ZNF536: variants seen among roughly 807,000 people sequenced by gnomAD.
ZNF536 encodes the protein zinc finger protein 536.
In ZNF536, 13 loss-of-function variants were observed where a neutral mutation model predicts 84.5. The ratio of observed to expected loss-of-function variants is 0.15; its 90% CI spans 0.10 to 0.24. ZNF536 has a LOEUF of 0.24. ZNF536 is among the 10% of genes least tolerant of loss of function. ZNF536 has a pLI of 1.00. For synonymous variants in ZNF536, 811 were observed against 742.5 expected (o/e 1.09, Z -1.50); for missense variants, 1,536 against 1,747.5 (o/e 0.88, Z 2.16).
intron 1 of ZNF536, among the ~76,000 whole-genome samples, chr19:30,392,962 C>T (rs959492046): frequency 6.6e-6 from 1 of 152,094 alleles, no homozygotes; most frequent in Admixed American, 6.5e-5. Context: ...TTTTGGAAAC[C>T]ACTTCTGTAT....
chr19:30,453,479 C>G (rs924603101), intron 2 of ZNF536, among the ~76,000 whole-genome samples: 4 of 152,188 alleles, frequency 2.6e-5, no homozygotes, highest in African/African-American at 9.6e-5. Flanking sequence ...GATGGGGTGG[C>G]GCCAGCCGGG....
intron 1 of ZNF536, among the ~76,000 whole-genome samples, chr19:30,583,929 C>T (rs1007414133): frequency 1.3e-5 from 2 of 152,152 alleles, no homozygotes; most frequent in Admixed American, 6.5e-5. Context: ...GGAGTATTAG[C>T]TGGACACTGA....
intron 1 of ZNF536, among the ~76,000 whole-genome samples, chr19:30,695,955 A>T (rs1286379707): frequency 6.6e-6 from 1 of 152,202 alleles, no homozygotes; most frequent in Non-Finnish European, 1.5e-5. Flanking sequence ...GGGATATTAA[A>T]TGTGTATCAT....
intron 1 of ZNF536, among the ~76,000 whole-genome samples, chr19:30,277,548 G>A (rs4805539): frequency 0.26 from 39,364 of 152,112 alleles, 5,714 homozygotes; most frequent in East Asian, 0.5. Flanking sequence ...GCAGCCCTAC[G>A]CGCTCTGTGT....
intron 1 of ZNF536, among the ~76,000 whole-genome samples, chr19:30,597,587 TTGTAGCTGTG>T (rs1277917403): frequency 6.6e-6 from 1 of 152,172 alleles, no homozygotes; most frequent in Non-Finnish European, 1.5e-5. Flanking sequence ...CTCTTCTGCT[TTGTAGCTGTG>T]TGATCTCCAG....
chr19:30,517,026 C>T (rs1055728105), intron 2 of ZNF536, among the ~76,000 whole-genome samples: 10 of 152,154 alleles, frequency 6.6e-5, no homozygotes, highest in Non-Finnish European at 2.9e-5. Context: ...ATCTTTACAT[C>T]GCCTGGTTCT....
rs754000711 is a variant in ZNF536, at chr19:30,443,747, C to A, written c.185C>A (p.Ala62Glu). 6.2e-7 allele frequency: 1 copy of A among 1,612,778 alleles called. No individual in the cohort carries two copies. The highest frequency in any genetic ancestry group is 1.3e-5 in the African/African-American group (1 of 74,936). ...CCCAACCCCGAGGAGAAGCCCCCCG[C>A]ATCCCTGGAGGAGAAGGCCCACGTG... ...PRPNPEEKPP[A>E]SLEEKAHVPM... Residue 62 changes from alanine to glutamate, a missense_variant, in exon 2 of 5, where the codon GCA becomes GAA. Ala to Glu is a moderately radical substitution (Grantham distance 107). Around this residue, in one of 8 missense-constraint regions of ZNF536, gnomAD observed 161 missense variants for 178.5 expected, o/e 0.90. Coordinates refer to ENST00000355537, the MANE Select transcript of ZNF536 (RefSeq NM_014717.3).
At chr19:30,310,743 T>A (rs2046473277) in intron 2 of ZNF536, among the ~76,000 whole-genome samples, 1 of 152,198 alleles carries the variant, frequency 6.6e-6, no homozygotes, top group Non-Finnish European at 1.5e-5. Context: ...TGTCAGCGGC[T>A]AACCAGCCAT....
At chr19:30,408,529 G>T (rs1347926449) in intron 1 of ZNF536, among the ~76,000 whole-genome samples, 4 of 152,158 alleles carry the variant, frequency 2.6e-5, no homozygotes, top group Non-Finnish European at 4.4e-5. Flanking sequence ...CAATCTTCTT[G>T]ACCTCTGGTG....
intron 1 of ZNF536, among the ~76,000 whole-genome samples, chr19:30,231,066 A>G (rs2023003570): frequency 6.6e-6 from 1 of 152,118 alleles, no homozygotes; most frequent in South Asian, 2.1e-4. Flanking sequence ...GCTTTTTAAC[A>G]TCTTTGGATT....
downstream of ZNF536, among the ~76,000 whole-genome samples, chr19:30,560,038 T>C (rs1234692699): frequency 6.6e-6 from 1 of 152,016 alleles, no homozygotes; most frequent in Non-Finnish European, 1.5e-5. Context: ...TCCCCCTGCT[T>C]CCCATCCACC....
chr19:30,445,864 A>C lies in ZNF536; in HGVS notation c.2170+132A>C. On this transcript the variant is annotated intron_variant, in intron 2 of 4. Transcript: ENST00000355537. This position sits in a 1 kb window ranked among gnomAD's most constrained non-coding sequence, Gnocchi z 4.5. ...GATTGAGGACAGGGGTGGGTTGGAC[A>C]CTGGGCCATGCCTTTCTTTCCCCCC... The C allele has an allele frequency of 1.6e-6, 2 of 1,253,544 alleles. No homozygotes were observed. The highest frequency in any genetic ancestry group is 1.1e-6 in the Non-Finnish European group (1 of 937,698). 77.7% of individuals were successfully genotyped at this position (1,253,544 alleles called of 1,614,324 possible). A position where few individuals can be genotyped will look rare whatever the true frequency, so the allele number is the denominator to read the frequency against.
upstream of ZNF536, among the ~76,000 whole-genome samples, chr19:30,368,626 C>T (rs1380204105): frequency 6.6e-6 from 1 of 152,230 alleles, no homozygotes; most frequent in African/African-American, 2.4e-5. Context: ...TTACATGAAA[C>T]TCAACACGTT....
intron 1 of ZNF536, among the ~76,000 whole-genome samples, chr19:30,586,577 T>G (rs187443380): frequency 6.6e-4 from 100 of 152,342 alleles, no homozygotes; most frequent in African/African-American, 2.3e-3. Context: ...TAATTTCCAC[T>G]ATTGACTATC....
At chr19:30,616,116 C>G (rs144759690) in intron 1 of ZNF536, among the ~76,000 whole-genome samples, 2 of 152,116 alleles carry the variant, frequency 1.3e-5, no homozygotes, top group African/African-American at 4.8e-5. Flanking sequence ...GGAGTCATAT[C>G]TTTTTGCAAA....
At chr19:30,452,123 G>C (rs1056048736) in intron 2 of ZNF536, among the ~76,000 whole-genome samples, 1 of 152,134 alleles carries the variant, frequency 6.6e-6, no homozygotes, top group African/African-American at 2.4e-5. Context: ...CAGGTATCAC[G>C]AGCTTCCAGG....
At chr19:30,407,777 C>A (rs1217734509) in intron 1 of ZNF536, among the ~76,000 whole-genome samples, 2 of 152,238 alleles carry the variant, frequency 1.3e-5, no homozygotes, top group Non-Finnish European at 2.9e-5. Flanking sequence ...TTAATGTATT[C>A]TTCTGCACCC....
At chr19:30,606,243 A>AAAAT in intron 1 of ZNF536, among the ~76,000 whole-genome samples, 1 of 67,096 alleles carries the variant, frequency 1.5e-5, no homozygotes, top group Non-Finnish European at 2.8e-5. Flanking sequence ...AAAATAAAAT[A>AAAAT]AAATAAAATA....
At chr19:30,423,978 T>A (rs2053173424) in intron 1 of ZNF536, among the ~76,000 whole-genome samples, 2 of 151,862 alleles carry the variant, frequency 1.3e-5, no homozygotes, top group Admixed American at 6.6e-5. Context: ...TTTCCCAGGG[T>A]CTGGGCAGTG....
Sources: gnomAD v4.1 joint callset for allele counts (sites outside exome capture counted in the v4.1 genomes callset) on GRCh38, gnomAD v4.1.1 for gene constraint, gnomAD v4.1.1 regional missense constraint, Gnocchi (gnomAD v3.1) non-coding constraint, MANE v1.5 for transcripts, NCBI Gene and HGNC (gene_info 2026-07-23, HGNC 2026-07-21) for gene names.